Variants in AUNIP observed in about 807,000 individuals in gnomAD.
The protein encoded by AUNIP is aurora kinase A and ninein interacting protein, also known as aurora kinase A- and ninein-interacting protein.
AUNIP carries 16 observed loss-of-function variants against 12.2 expected under a neutral mutation model. The ratio of observed to expected loss-of-function variants is 1.31; its 90% confidence interval spans 0.88 to 1.99. The LOEUF is 1.99. Among genes scored for constraint, AUNIP ranks in the 30% most tolerant of loss-of-function variants. AUNIP has a pLI of 0.00. For synonymous variants in AUNIP, 142 were observed against 154.8 expected (o/e 0.92, Z 0.61); for missense variants, 411 against 419.1 (o/e 0.98, Z 0.17).
chr1:25,834,673 G>A lies in AUNIP; in HGVS notation c.*320C>T. ...AAGGTCCCAGTCAGACATCTGGAAGGGCAAAGAGATGGCTCTGTGCAGGCT... is the reference window on the plus strand; with the variant it reads ...AAGGTCCCAGTCAGACATCTGGAAGAGCAAAGAGATGGCTCTGTGCAGGCT... On this transcript the variant is annotated 3_prime_UTR_variant, in exon 3 of 3. Coordinates refer to ENST00000374298, the MANE Select transcript of AUNIP (RefSeq NM_024037.3). 2.9e-5 allele frequency: 31 copies of A among 1,077,692 alleles called. No homozygotes were observed. Among genetic ancestry groups the A allele is most frequent in the Non-Finnish European group, 3.5e-5 (31 of 888,776 alleles). The allele number at this position is 1,077,692 out of a possible 1,614,324, so 66.8% of individuals were successfully genotyped here. A position where few individuals can be genotyped will look rare whatever the true frequency, so the allele number is the denominator to read the frequency against.
At chr1:25,851,027 C>G (rs1557455197) in intron 1 of AUNIP, among the ~76,000 whole-genome samples, 1 of 152,134 alleles carries the variant, frequency 6.6e-6, no homozygotes, top group East Asian at 1.9e-4. Context: ...TTCATAGATG[C>G]CCTTTGTGAG....
chr1:25,835,207 A>T lies in AUNIP; in HGVS notation c.860T>A (p.Leu287His). ...EKNDKDSWSQ[L>H]FTEDSQGQRV... is the part of the protein sequence containing the mutation. ...CTGGCCTTGAGAATCTTCAGTGAAA[A>T]GTTGACTCCAGGAGTCCTTGTCATT... Residue 287 changes from leucine to histidine, a missense_variant, in exon 3 of 3, where the codon CTT becomes CAT. Transcript: ENST00000374298. The T allele has an allele frequency of 6.2e-7, 1 of 1,614,186 alleles. No homozygotes were observed. Among genetic ancestry groups the T allele is most frequent in the Non-Finnish European group, 8.5e-7 (1 of 1,180,024 alleles).
In AUNIP at chr1:25,856,694, C is replaced by G. The variant is rs546397679; in HGVS notation, c.78+2586G>C. Among the ~76,000 whole-genome samples the G allele has an allele frequency of 2.6e-5, 4 of 152,230 alleles. No individual in the cohort carries two copies. In the East Asian group the frequency reaches 5.8e-4, roughly 22 times the overall value. On this transcript the variant is annotated intron_variant, in intron 1 of 2. Transcript: ENST00000374298. ...CCATTTCGGAAAACAACAACAACAA[C>G]AACAACAACAAAACAGAATTATAGA...
intron 1 of AUNIP, among the ~76,000 whole-genome samples, chr1:25,846,037 G>A (rs2048380888): frequency 6.6e-6 from 1 of 152,146 alleles, no homozygotes; most frequent in South Asian, 2.1e-4. Flanking sequence ...AATTCAACGG[G>A]GAAAGGAGAA....
At chr1:25,842,373 G>A (rs946536272) in intron 1 of AUNIP, among the ~76,000 whole-genome samples, 2 of 152,182 alleles carry the variant, frequency 1.3e-5, no homozygotes, top group African/African-American at 4.8e-5. Context: ...AGAGAGGTGA[G>A]GAACGCCACA....
chr1:25,844,106 G>T (rs1572263566), intron 1 of AUNIP, among the ~76,000 whole-genome samples: 1 of 152,120 alleles, frequency 6.6e-6, no homozygotes, highest in African/African-American at 2.4e-5. Flanking sequence ...AAGTTTCATT[G>T]TTTTATTTAT....
downstream of AUNIP, chr1:25,832,680 AG>A (rs1441785436): frequency 6.3e-6 from 1 of 158,434 alleles, no homozygotes; most frequent in Non-Finnish European, 1.4e-5. Flanking sequence ...CACGGCCCTG[AG>A]GCCTTATCAG....
downstream of AUNIP, chr1:25,832,312 C>T: frequency 1.2e-6 from 1 of 851,736 alleles, no homozygotes; most frequent in Non-Finnish European, 1.8e-6. Context: ...TCTGGTTTTT[C>T]CTTGCCCCTG....
chr1:25,834,770 G>A lies in AUNIP; in HGVS notation c.*223C>T. 7.1e-6 allele frequency: 10 copies of A among 1,402,128 alleles called. No homozygotes were observed. The highest frequency in any genetic ancestry group is 9.2e-6 in the Non-Finnish European group (10 of 1,081,656). The allele number at this position is 1,402,128 out of a possible 1,614,324, so 86.9% of individuals were successfully genotyped here. ...AGTGTTCATCATAGACTCATTCAGGGAATTTACCAGCCACCACCTTCCTGA... is the reference window on the plus strand; with the variant it reads ...AGTGTTCATCATAGACTCATTCAGGAAATTTACCAGCCACCACCTTCCTGA... On this transcript the variant is annotated 3_prime_UTR_variant, in exon 3 of 3. Coordinates refer to ENST00000374298, the MANE Select transcript of AUNIP (RefSeq NM_024037.3).
At chr1:25,844,634 C>T (rs143730785) in intron 1 of AUNIP, among the ~76,000 whole-genome samples, 10 of 151,428 alleles carry the variant, frequency 6.6e-5, no homozygotes, top group Admixed American at 4.6e-4. Flanking sequence ...TGACCTTCAA[C>T]TCTAGTACAT....
chr1:25,839,165 G>T (rs2048331568), intron 1 of AUNIP, among the ~76,000 whole-genome samples: 1 of 152,210 alleles, frequency 6.6e-6, no homozygotes, highest in African/African-American at 2.4e-5. Context: ...AAACAAATAA[G>T]GTGAGCCCTG....
intron 1 of AUNIP, among the ~76,000 whole-genome samples, chr1:25,856,929 G>A (rs1452612677): frequency 1.3e-5 from 2 of 150,280 alleles, no homozygotes; most frequent in African/African-American, 2.5e-5. Context: ...GTAACACAGC[G>A]AAACCCCGTC....
In AUNIP at chr1:25,835,036, GT is replaced by G; in HGVS notation, c.1030del (p.Thr344ProfsTer22). The G allele has an allele frequency of 6.2e-7, 1 of 1,614,162 alleles. No individual in the cohort carries two copies. The highest frequency in any genetic ancestry group is 8.5e-7 in the Non-Finnish European group (1 of 1,180,028). On this transcript the variant is annotated frameshift_variant, in exon 3 of 3. Coordinates refer to ENST00000374298, the MANE Select transcript of AUNIP (RefSeq NM_024037.3). LOFTEE classifies it high-confidence loss of function. ...TQNLKPDLLF[T>X]QDSEGNQVIR... is the part of the protein sequence containing the mutation. ...AACTTGATTACCTTCAGAGTCCTGGGTAAAGAGCAAATCAGGCTTCAGATTT... is the reference window on the plus strand; with the variant it reads ...AACTTGATTACCTTCAGAGTCCTGGGAAAGAGCAAATCAGGCTTCAGATTT...
chr1:25,840,338 G>GAA (rs908029204), intron 1 of AUNIP, among the ~76,000 whole-genome samples: 9 of 151,756 alleles, frequency 5.9e-5, no homozygotes, highest in African/African-American at 2.2e-4. Context: ...GAAGCAGAGA[G>GAA]AAAAAAATAA....
chr1:25,832,140 T>C (rs2048252586), downstream of AUNIP: 1 of 1,583,184 alleles, frequency 6.3e-7, no homozygotes. Flanking sequence ...ACAGTCTTGC[T>C]GACAAGCTAG....
rs1221185441 is a variant in AUNIP, at chr1:25,834,541, C to T, written c.*452G>A. The T allele has an allele frequency of 6.7e-5, 55 of 822,274 alleles. No homozygotes were observed. The highest frequency in any genetic ancestry group is 5.6e-4 in the South Asian group (10 of 17,954). 50.9% of individuals were successfully genotyped at this position (822,274 alleles called of 1,614,324 possible). A position where few individuals can be genotyped will look rare whatever the true frequency, so the allele number is the denominator to read the frequency against. On this transcript the variant is annotated 3_prime_UTR_variant, in exon 3 of 3. Transcript: ENST00000374298. Reference sequence around the variant, plus strand: ...CTGAGGCAGGAGAATCGCTTGAATCCGGGAGACAGAGGGTGCAGTGAGCTG... The same window carrying T: ...CTGAGGCAGGAGAATCGCTTGAATCTGGGAGACAGAGGGTGCAGTGAGCTG...
rs1435063338 is a variant in AUNIP, at chr1:25,859,412, G to A, written c.-55C>T. 8 of 1,447,896 alleles carry A rather than the reference G, an allele frequency of 5.5e-6. No homozygotes were observed. Among genetic ancestry groups the A allele is most frequent in the African/African-American group, 3.0e-5 (2 of 66,662 alleles). 89.7% of individuals were successfully genotyped at this position (1,447,896 alleles called of 1,614,324 possible). A position where few individuals can be genotyped will look rare whatever the true frequency, so the allele number is the denominator to read the frequency against. ...GCCGGCGCAGGCTCCCGGCGCCTCA[G>A]GGAACGCCAGAACCGCGGCCGCCGA... On this transcript the variant is annotated 5_prime_UTR_variant, in exon 1 of 3. Coordinates refer to ENST00000374298, the MANE Select transcript of AUNIP (RefSeq NM_024037.3).
intron 1 of AUNIP, among the ~76,000 whole-genome samples, chr1:25,850,533 A>G (rs766655507): frequency 3.3e-5 from 5 of 152,198 alleles, no homozygotes; most frequent in Non-Finnish European, 7.3e-5. Context: ...TTCCTATCTT[A>G]AGTCTTCTGA....
At chr1:25,838,690 T>C (rs552143973) in intron 1 of AUNIP, among the ~76,000 whole-genome samples, 260 of 152,326 alleles carry the variant, frequency 1.7e-3, no homozygotes, top group African/African-American at 6.1e-3. Context: ...AACTGGAAGA[T>C]AGGCAAGAGA....
Sources: gnomAD v4.1 joint callset for allele counts (sites outside exome capture counted in the v4.1 genomes callset) on GRCh38, gnomAD v4.1.1 for gene constraint, MANE v1.5 for transcripts, NCBI Gene and HGNC (gene_info 2026-07-23, HGNC 2026-07-21) for gene names.